ZNF385B: variants seen among roughly 807,000 people sequenced by gnomAD.
ZNF385B encodes the protein zinc finger protein 533.
Under a neutral mutation model 39.2 loss-of-function variants are expected in ZNF385B, and 23 were observed. The observed-to-expected ratio is 0.59, with a 90% CI of 0.42 to 0.83. ZNF385B has a LOEUF of 0.83. Ranked by LOEUF, ZNF385B falls within the 40% of genes least tolerant of loss-of-function variation. The pLI is 0.00. For missense variants in ZNF385B, 552 were observed against 598.9 expected (o/e 0.92, Z 0.82); for synonymous variants, 205 against 222.6 (o/e 0.92, Z 0.70).
chr2:179,783,337 T>C (rs1481974244), intron 1 of ZNF385B, among the ~76,000 whole-genome samples: 2 of 152,098 alleles, frequency 1.3e-5, no homozygotes, highest in African/African-American at 2.4e-5. Context: ...CAACCCAAGA[T>C]GGATTAAAGA....
At chr2:179,608,461 C>T (rs73973307) in intron 3 of ZNF385B, among the ~76,000 whole-genome samples, 15,984 of 152,124 alleles carry the variant, frequency 0.11, 973 homozygotes, top group Middle Eastern at 0.2. Context: ...ACCTGCTGTG[C>T]CCCTTCCAGA....
chr2:179,792,023 A>G lies in ZNF385B; in HGVS notation c.-154-21351T>C, dbSNP rs566556724. Among the ~76,000 whole-genome samples, 4 of 152,162 alleles carry G rather than the reference A, an allele frequency of 2.6e-5. No homozygotes were observed. The South Asian group carries it at 8.3e-4, about 32-fold the overall frequency. ...GTGACCCACCTGCCTTGGCCTTCCA[A>G]AGTGCTGGGATTACAGACATGAGCC... On this transcript the variant is annotated intron_variant, in intron 1 of 9. Coordinates refer to ENST00000410066, the MANE Select transcript of ZNF385B (RefSeq NM_152520.6).
chr2:179,812,453 T>A (rs894632098), intron 1 of ZNF385B, among the ~76,000 whole-genome samples: 5 of 152,182 alleles, frequency 3.3e-5, no homozygotes, highest in African/African-American at 7.2e-5. Context: ...TGGAATACTA[T>A]GTGGCCATAA....
chr2:179,574,972 C>T (rs947419360), intron 3 of ZNF385B, among the ~76,000 whole-genome samples: 2 of 152,098 alleles, frequency 1.3e-5, no homozygotes, highest in South Asian at 2.1e-4. Flanking sequence ...AACTGCCCTT[C>T]TTTCGTTTCT....
chr2:179,855,753 T>C (rs1684543456), intron 1 of ZNF385B, among the ~76,000 whole-genome samples: 1 of 152,218 alleles, frequency 6.6e-6, no homozygotes, highest in African/African-American at 2.4e-5. Context: ...GTGTAAGTTT[T>C]AATAGTATGA....
intron 3 of ZNF385B, among the ~76,000 whole-genome samples, chr2:179,588,349 C>A (rs979086090): frequency 6.6e-6 from 1 of 152,044 alleles, no homozygotes; most frequent in African/African-American, 2.4e-5. Flanking sequence ...CGTCCTCCCC[C>A]TTCTCTCTTA....
intron 3 of ZNF385B, among the ~76,000 whole-genome samples, chr2:179,753,874 G>T (rs1360064865): frequency 2.0e-5 from 3 of 152,188 alleles, no homozygotes; most frequent in Non-Finnish European, 4.4e-5. Context: ...CATGTCATCT[G>T]CAAACAGGGA....
chr2:179,488,808 A>G (rs975266068), intron 5 of ZNF385B, among the ~76,000 whole-genome samples: 1 of 152,208 alleles, frequency 6.6e-6, no homozygotes, highest in Non-Finnish European at 1.5e-5. Context: ...ATGCCAAATA[A>G]AACATATGTC....
intron 3 of ZNF385B, among the ~76,000 whole-genome samples, chr2:179,751,669 A>G (rs1702684036): frequency 6.6e-6 from 1 of 152,134 alleles, no homozygotes; most frequent in Admixed American, 6.6e-5. Context: ...GGGGAAAACA[A>G]TAACAGAGGA....
At chr2:179,824,157 C>T (rs943781735) in intron 1 of ZNF385B, among the ~76,000 whole-genome samples, 1 of 152,178 alleles carries the variant, frequency 6.6e-6, no homozygotes, top group African/African-American at 2.4e-5. Context: ...GTTTTTACAG[C>T]AGCTCTATTG....
chr2:179,598,641 C>A lies in ZNF385B; in HGVS notation c.299-53672G>T, dbSNP rs56136499. Among the ~76,000 whole-genome samples, 16 of 151,884 alleles carry A rather than the reference C, an allele frequency of 1.1e-4. No individual in the cohort carries two copies. The Middle Eastern group carries it at 0.01, about 97-fold the overall frequency. ...TATGAGGTGGTGGTGAAAATATGCA[C>A]GATACACCAAAAGCATGAATCATAT... On this transcript the variant is annotated intron_variant, in intron 3 of 9. Coordinates refer to ENST00000410066, the MANE Select transcript of ZNF385B (RefSeq NM_152520.6).
intron 1 of ZNF385B, among the ~76,000 whole-genome samples, chr2:179,813,188 C>T (rs1706844065): frequency 6.6e-6 from 1 of 152,040 alleles, no homozygotes; most frequent in Non-Finnish European, 1.5e-5. Context: ...GGTTTTTTAA[C>T]ATTTGAATCT....
At chr2:179,858,909 T>C (rs941194279) in intron 1 of ZNF385B, among the ~76,000 whole-genome samples, 7 of 152,188 alleles carry the variant, frequency 4.6e-5, no homozygotes, top group Non-Finnish European at 7.3e-5. Flanking sequence ...TATCTTCAAA[T>C]TCAGCTTGGA....
At chr2:179,680,985 C>T (rs1463192632) in intron 3 of ZNF385B, among the ~76,000 whole-genome samples, 1 of 151,964 alleles carries the variant, frequency 6.6e-6, no homozygotes, top group Non-Finnish European at 1.5e-5. Context: ...TTAAGTCTAA[C>T]ACTTCAATTC....
chr2:179,486,022 A>G (rs2054532545), intron 5 of ZNF385B, among the ~76,000 whole-genome samples: 1 of 152,188 alleles, frequency 6.6e-6, no homozygotes, highest in Admixed American at 6.5e-5. Context: ...GTTGGAAAAA[A>G]AAATAATCAC....
intron 4 of ZNF385B, among the ~76,000 whole-genome samples, chr2:179,537,320 ATAAAAAAAAAAT>A (rs1183350277): frequency 1.5e-4 from 22 of 148,546 alleles, no homozygotes; most frequent in African/African-American, 5.3e-4. Flanking sequence ...AAAAAAATAA[ATAAAAAAAAAAT>A]AAAAAAGAAA....
intron 5 of ZNF385B, among the ~76,000 whole-genome samples, chr2:179,499,412 T>A (rs1167200769): frequency 6.6e-6 from 1 of 151,976 alleles, no homozygotes; most frequent in African/African-American, 2.4e-5. Flanking sequence ...ACTAGGAAAT[T>A]GAATTAGACA....
chr2:179,710,080 G>C (rs980283689), intron 3 of ZNF385B, among the ~76,000 whole-genome samples: 4 of 152,162 alleles, frequency 2.6e-5, no homozygotes, highest in Non-Finnish European at 5.9e-5. Flanking sequence ...TGATTGAATG[G>C]ATGAACGGAC....
intron 6 of ZNF385B, among the ~76,000 whole-genome samples, chr2:179,473,671 C>A (rs1036610612): frequency 6.6e-6 from 1 of 152,166 alleles, no homozygotes; most frequent in Non-Finnish European, 1.5e-5. Flanking sequence ...CATCCCCCCC[C>A]ATTGCCCCTA....
Sources: allele counts gnomAD v4.1 joint callset (sites outside exome capture counted in the v4.1 genomes callset), GRCh38; gene constraint gnomAD v4.1.1; transcripts MANE v1.5; gene names NCBI Gene and HGNC (gene_info 2026-07-23, HGNC 2026-07-21).